Variants in CBR4 observed in about 807,000 individuals in gnomAD.
CBR4 encodes carbonyl reductase 4.
In CBR4, 22 loss-of-function variants were observed where a neutral mutation model predicts 21.0. The observed-to-expected ratio is 1.05, with a 90% CI of 0.75 to 1.50. The LOEUF is 1.50. Among genes scored for constraint, CBR4 ranks in the 40% most tolerant of loss-of-function variants. CBR4 has a pLI of 0.00. For missense variants in CBR4, 302 were observed against 286.3 expected (o/e 1.05, Z -0.40); for synonymous variants, 100 against 104.4 (o/e 0.96, Z 0.26).
intron 2 of CBR4, among the ~76,000 whole-genome samples, chr4:168,959,843 G>T (rs1413803895): frequency 6.7e-6 from 1 of 148,350 alleles, no homozygotes; most frequent in South Asian, 2.1e-4. Flanking sequence ...GATTACAGGC[G>T]TGAGCCACCA....
chr4:168,947,262 T>G (rs1382604244), intron 2 of CBR4, among the ~76,000 whole-genome samples: 3 of 152,184 alleles, frequency 2.0e-5, no homozygotes, highest in African/African-American at 7.2e-5. Context: ...TTCCCATCAC[T>G]TTCTTTTTCT....
chr4:168,980,845 C>G (rs1764526529), intron 2 of CBR4, among the ~76,000 whole-genome samples: 2 of 152,138 alleles, frequency 1.3e-5, no homozygotes, highest in Non-Finnish European at 1.5e-5. Context: ...ACATTAGCGC[C>G]CACACAGATG....
intron 4 of CBR4, among the ~76,000 whole-genome samples, chr4:168,996,542 A>ATATATTTATT (rs1765212447): frequency 6.6e-6 from 1 of 151,972 alleles, no homozygotes; most frequent in African/African-American, 2.4e-5. Flanking sequence ...TCTTTATTTT[A>ATATATTTATT]TATATTTATG....
intron 2 of CBR4, among the ~76,000 whole-genome samples, chr4:168,936,505 C>G (rs1763116464): frequency 6.6e-6 from 1 of 152,096 alleles, no homozygotes; most frequent in South Asian, 2.1e-4. Context: ...GGAGCACGTT[C>G]TAACCCAATG....
At chr4:168,979,084 A>G (rs1428869216) in intron 2 of CBR4, among the ~76,000 whole-genome samples, 1 of 151,688 alleles carries the variant, frequency 6.6e-6, no homozygotes, top group Non-Finnish European at 1.5e-5. Flanking sequence ...AAGAGGCCAC[A>G]CTATTTTCCA....
rs151331309 is a variant in CBR4 at position 168,950,268 on chromosome 4, C to T, written n.169+51803G>A. 4.9e-3 allele frequency among the ~76,000 whole-genome samples: 748 copies of T among 152,156 alleles called. 8 individuals are homozygous for T. Among genetic ancestry groups the T allele is most frequent in the Admixed American group, 5.6e-3 (86 of 15,284 alleles). ...GGGCTATGAACTTTCCTCTTAGCAC[C>T]GCCTTTGCCGTATCCCAGAGGTTTT... is the stretch of plus-strand genomic sequence containing the variant. On this transcript the variant is annotated intron_variant and non_coding_transcript_variant, in intron 2 of 3. Coordinates refer to the CBR4 transcript ENST00000509108.
At chr4:168,919,522 T>TA (rs1209353195) in intron 2 of CBR4, among the ~76,000 whole-genome samples, 5,279 of 124,310 alleles carry the variant, frequency 0.042, 285 homozygotes, top group African/African-American at 0.13. Flanking sequence ...AAGACTGTCT[T>TA]AAAAAAAAAA....
Position 169,007,754 on chromosome 4 carries a change from C to A in CBR4, c.145G>T (p.Asp49Tyr). 1 of 1,572,650 alleles carries A rather than the reference C, an allele frequency of 6.4e-7. No individual in the cohort carries two copies. Residue 49 changes from aspartate to tyrosine, a missense_variant and splice_region_variant, in exon 2 of 5, where the codon GAT becomes TAT. Asp to Tyr is a radical substitution (Grantham distance 160). Coordinates refer to ENST00000306193, the MANE Select transcript of CBR4 (RefSeq NM_032783.5). Reference protein sequence around the residue: ...AKAAAGDLGGDHLAFSCDVAK... With the variant: ...AKAAAGDLGGYHLAFSCDVAK... The stretch of plus-strand genomic sequence containing the variant: ...ACATCACAGCTAAATGCCAAATGAT[C>A]TCCTACACAACAAAGTTAAATAAGA...
intron 2 of CBR4, among the ~76,000 whole-genome samples, chr4:168,907,763 C>G (rs1352694011): frequency 6.6e-6 from 1 of 152,094 alleles, no homozygotes; most frequent in Non-Finnish European, 1.5e-5. Context: ...CCAAGAACAG[C>G]CCTCCTAATA....
At chr4:169,006,301 G>A (rs1336593873) in intron 3 of CBR4, among the ~76,000 whole-genome samples, 1 of 151,856 alleles carries the variant, frequency 6.6e-6, no homozygotes, top group African/African-American at 2.4e-5. Flanking sequence ...ATGAGTTAAA[G>A]ACCAGCCTAG....
In CBR4 at chr4:168,894,608, T is replaced by A. The variant is rs749041581; in HGVS notation, n.327A>T. ...TAACATACGAAGAAAGAATGGCTCGTCGACTGCTAGGTGCTGACAGTGCAA... is the reference window on the plus strand; with the variant it reads ...TAACATACGAAGAAAGAATGGCTCGACGACTGCTAGGTGCTGACAGTGCAA... On this transcript the variant is annotated non_coding_transcript_exon_variant, in exon 3 of 4. Transcript: ENST00000509108. 1 of 1,613,448 alleles carries A rather than the reference T, an allele frequency of 6.2e-7. No homozygotes were observed. The highest frequency in any genetic ancestry group is 1.3e-5 in the African/African-American group (1 of 74,924).
intron 2 of CBR4, among the ~76,000 whole-genome samples, chr4:168,959,914 G>A (rs1490815865): frequency 6.7e-6 from 1 of 149,946 alleles, no homozygotes; most frequent in Non-Finnish European, 1.5e-5. Context: ...TATTTGAATA[G>A]TACTGAATTT....
chr4:168,923,427 T>C (rs1416796434), intron 2 of CBR4, among the ~76,000 whole-genome samples: 2 of 152,220 alleles, frequency 1.3e-5, no homozygotes, highest in East Asian at 3.8e-4. Flanking sequence ...AGATTCATTG[T>C]TGGTAGTTCA....
At chr4:168,993,164 G>C (rs1765005163) in intron 4 of CBR4, among the ~76,000 whole-genome samples, 1 of 151,398 alleles carries the variant, frequency 6.6e-6, no homozygotes, top group Non-Finnish European at 1.5e-5. Flanking sequence ...CAATATCATG[G>C]GGGTTCTCGC....
intron 2 of CBR4, among the ~76,000 whole-genome samples, chr4:168,973,375 T>C (rs994103767): frequency 6.6e-6 from 1 of 152,230 alleles, no homozygotes; most frequent in South Asian, 2.1e-4. Context: ...TTGCCTGTGA[T>C]GGAATCCAAT....
chr4:168,894,654 C>A lies in CBR4; in HGVS notation n.281G>T, dbSNP rs1553969553. 11 of 1,613,348 alleles carry A rather than the reference C, an allele frequency of 6.8e-6. No individual in the cohort carries two copies. The highest frequency in any genetic ancestry group is 9.3e-6 in the Non-Finnish European group (11 of 1,179,586). On this transcript the variant is annotated non_coding_transcript_exon_variant, in exon 3 of 4. Coordinates refer to the CBR4 transcript ENST00000509108. ...TGCAACTGTCTTTAATATTCAGGAG[C>A]CAGAAGAGGAAACAGCTAATCAGGT...
rs142382770 is a variant in CBR4, at chr4:168,997,675, C to A, written c.535+4396G>T. Among the ~76,000 whole-genome samples, 781 of 152,244 alleles carry A rather than the reference C, an allele frequency of 5.1e-3. 4 individuals carry two copies. Among genetic ancestry groups the A allele is most frequent in the African/African-American group, 0.017 (722 of 41,550 alleles). On this transcript the variant is annotated intron_variant, in intron 4 of 4. Transcript: ENST00000306193. ...TAGCTATAAACTATAAATAGAAACA[C>A]CTCATTTCCATATCCCTAGGTCATT...
intron 2 of CBR4, among the ~76,000 whole-genome samples, chr4:168,940,278 CA>C (rs1470320872): frequency 6.6e-6 from 1 of 152,098 alleles, no homozygotes; most frequent in Non-Finnish European, 1.5e-5. Flanking sequence ...ACACCTTATA[CA>C]AAAATTAACT....
chr4:168,941,179 G>T (rs1488402385), intron 2 of CBR4, among the ~76,000 whole-genome samples: 1 of 152,094 alleles, frequency 6.6e-6, no homozygotes, highest in Non-Finnish European at 1.5e-5. Context: ...GCCTGTCGGG[G>T]GTGGGGGCCT....
Sources: allele counts gnomAD v4.1 joint callset (sites outside exome capture counted in the v4.1 genomes callset), GRCh38; gene constraint gnomAD v4.1.1; transcripts MANE v1.5; gene names NCBI Gene and HGNC (gene_info 2026-07-23, HGNC 2026-07-21).